The following BEND4 variants were observed in gnomAD, a reference collection of about 807,000 sequenced individuals.
BEND4 encodes the protein BEN domain-containing protein 4.
In BEND4, 27 loss-of-function variants were observed where a neutral mutation model predicts 54.7. That is an observed-to-expected ratio of 0.49 (90% confidence interval 0.36 to 0.68). The LOEUF is 0.68. Among genes scored for constraint, BEND4 ranks in the 30% least tolerant of loss-of-function variants. BEND4 has a pLI of 0.00. For synonymous variants in BEND4, 327 were observed against 299.5 expected (o/e 1.09, Z -0.95); for missense variants, 702 against 697.2 (o/e 1.01, Z -0.08).
chr4:42,121,576 A>G (rs1440481754), intron 4 of BEND4, among the ~76,000 whole-genome samples: 1 of 152,234 alleles, frequency 6.6e-6, no homozygotes, highest in Admixed American at 6.5e-5. Flanking sequence ...CTGAATTATC[A>G]TGAGTACAAG....
chr4:42,149,088 T>TC (rs1434810177), intron 2 of BEND4, among the ~76,000 whole-genome samples: 6 of 152,232 alleles, frequency 3.9e-5, no homozygotes, highest in African/African-American at 1.4e-4. Flanking sequence ...TGTCCTTGAC[T>TC]CATTTCGTAA....
chr4:42,149,213 T>G (rs1360353259), intron 2 of BEND4, among the ~76,000 whole-genome samples: 1 of 104,792 alleles, frequency 9.5e-6, no homozygotes, highest in African/African-American at 3.8e-5. Flanking sequence ...CCACCCAGTA[T>G]GCTTAAATGG....
At chr4:42,125,714 C>CATGTGTAA in intron 3 of BEND4, 40 bp from the exon 4 acceptor site, 1 of 1,300,238 alleles carries the variant, frequency 7.7e-7, no homozygotes, top group Non-Finnish European at 1.1e-6. Flanking sequence ...ATTGGCTATC[C>CATGTGTAA]CGTAACATGA....
intron 3 of BEND4, among the ~76,000 whole-genome samples, chr4:42,135,942 T>TTC (rs1393702949): frequency 6.6e-6 from 1 of 152,182 alleles, no homozygotes; most frequent in Non-Finnish European, 1.5e-5. Flanking sequence ...TCCGAATCCA[T>TTC]TCTCTTTACC....
In BEND4 at chr4:42,112,314, A is replaced by G. The variant is rs1454619729; in HGVS notation, c.*5204T>C. 6.6e-6 allele frequency: 1 copy of G among 152,222 alleles called. No individual in the cohort carries two copies. Among genetic ancestry groups the G allele is most frequent in the Admixed American group, 6.5e-5 (1 of 15,286 alleles). 9.4% of individuals were successfully genotyped at this position (152,222 alleles called of 1,614,324 possible). ...GAGAATGCATTAAAGTACTTATCCA[A>G]GTAACTGTCACACAATAACTCAATA... On this transcript the variant is annotated 3_prime_UTR_variant, in exon 6 of 6. Coordinates refer to ENST00000502486, the MANE Select transcript of BEND4 (RefSeq NM_207406.4).
intron 3 of BEND4, among the ~76,000 whole-genome samples, chr4:42,143,012 A>C (rs1560583191): frequency 6.6e-6 from 1 of 152,264 alleles, no homozygotes; most frequent in East Asian, 1.9e-4. Flanking sequence ...GCATAGGATC[A>C]AAGTTTTTAA....
intron 3 of BEND4, among the ~76,000 whole-genome samples, chr4:42,140,034 G>C (rs1001150505): frequency 6.6e-6 from 1 of 152,204 alleles, no homozygotes; most frequent in Non-Finnish European, 1.5e-5. Flanking sequence ...GTGGATTCTT[G>C]GGTGTCACTC....
intron 4 of BEND4, among the ~76,000 whole-genome samples, chr4:42,121,802 C>T (rs1402183363): frequency 1.3e-5 from 2 of 152,160 alleles, no homozygotes; most frequent in Non-Finnish European, 2.9e-5. Flanking sequence ...ACTGAGAGGG[C>T]TAGGCAACCA....
chr4:42,148,794 A>G (rs1057373498), intron 2 of BEND4, among the ~76,000 whole-genome samples: 2 of 152,144 alleles, frequency 1.3e-5, no homozygotes, highest in Non-Finnish European at 2.9e-5. Flanking sequence ...TAAAGATGCA[A>G]TTTCCCATTT....
chr4:42,149,045 T>C (rs1721171103), intron 2 of BEND4, among the ~76,000 whole-genome samples: 2 of 152,236 alleles, frequency 1.3e-5, no homozygotes, highest in African/African-American at 4.8e-5. Context: ...TTTCACTCCA[T>C]TTACTCTGGA....
chr4:42,144,165 G>A (rs777281971), intron 2 of BEND4, 171 bp from the exon 3 acceptor site: 7 of 651,482 alleles, frequency 1.1e-5, no homozygotes, highest in Non-Finnish European at 1.6e-5. Flanking sequence ...ATAGCTTCCT[G>A]TTGTTCTGCG....
intron 3 of BEND4, among the ~76,000 whole-genome samples, chr4:42,134,603 C>A (rs1720629572): frequency 6.6e-6 from 1 of 152,204 alleles, no homozygotes; most frequent in Non-Finnish European, 1.5e-5. Flanking sequence ...CCTCCATGGC[C>A]TCTCTTCATA....
chr4:42,141,131 G>A (rs1287399873), intron 3 of BEND4, among the ~76,000 whole-genome samples: 5 of 152,094 alleles, frequency 3.3e-5, no homozygotes, highest in African/African-American at 4.8e-5. Flanking sequence ...TCTTGCAGTC[G>A]GTGCCTGCCT....
chr4:42,143,744 C>A lies in BEND4; in HGVS notation c.738G>T (p.Leu246Phe), dbSNP rs1314800494. 32 of 1,613,960 alleles carry A rather than the reference C, an allele frequency of 2.0e-5. No homozygotes were observed. The highest frequency in any genetic ancestry group is 2.7e-5 in the Non-Finnish European group (32 of 1,179,866). ...MQRKQQTSAFLRVFTDSLQNY... is the reference protein window; with the variant it reads ...MQRKQQTSAFFRVFTDSLQNY... ...TTTGTAGAGAGTCAGTGAAAACCCTCAAAAAGGCAGAAGTTTGTTGTTTCC... is the reference window on the plus strand; with the variant it reads ...TTTGTAGAGAGTCAGTGAAAACCCTAAAAAAGGCAGAAGTTTGTTGTTTCC... The change falls in exon 3 of 6, where the codon TTG becomes TTT. Residue 246 changes from leucine to phenylalanine, a missense_variant. Coordinates refer to ENST00000502486, the MANE Select transcript of BEND4 (RefSeq NM_207406.4).
At chr4:42,145,361 A>C (rs2153147508) in intron 2 of BEND4, among the ~76,000 whole-genome samples, 2 of 152,168 alleles carry the variant, frequency 1.3e-5, no homozygotes, top group South Asian at 4.2e-4. Context: ...GTCAGAGGAG[A>C]GGGGTCCAAG....
At chr4:42,125,507 G>C (rs1043344850) in intron 4 of BEND4, 76 bp downstream of exon 4, 1 of 1,119,598 alleles carries the variant, frequency 8.9e-7, no homozygotes, top group African/African-American at 1.5e-5. Flanking sequence ...AGTCTGTTCT[G>C]GTATACACTG....
chr4:42,130,671 T>C (rs1014967440), intron 3 of BEND4, among the ~76,000 whole-genome samples: 6 of 152,092 alleles, frequency 3.9e-5, no homozygotes, highest in African/African-American at 1.4e-4. Context: ...CTCAAAGACC[T>C]AGAACGAGAA....
rs1184083796 is a variant in BEND4, at chr4:42,117,443, C to T, written c.*75G>A. The T allele has an allele frequency of 2.9e-6, 3 of 1,030,326 alleles. No individual in the cohort carries two copies. Among genetic ancestry groups the T allele is most frequent in the Non-Finnish European group, 4.3e-6 (3 of 690,542 alleles). 63.8% of individuals were successfully genotyped at this position (1,030,326 alleles called of 1,614,324 possible). A position where few individuals can be genotyped will look rare whatever the true frequency, so the allele number is the denominator to read the frequency against. On this transcript the variant is annotated 3_prime_UTR_variant, in exon 6 of 6. Coordinates refer to ENST00000502486, the MANE Select transcript of BEND4 (RefSeq NM_207406.4). ...GGCAGAATGACAGGCTTTGGACTCT[C>T]AGGTGACAGGAACAGGACATTCACA...
intron 3 of BEND4, among the ~76,000 whole-genome samples, chr4:42,133,520 G>A (rs1412039334): frequency 1.3e-5 from 2 of 152,190 alleles, no homozygotes; most frequent in African/African-American, 4.8e-5. Context: ...TCCTGGGCAG[G>A]TTACTTAACC....
Sources: gnomAD v4.1 joint callset for allele counts (sites outside exome capture counted in the v4.1 genomes callset) on GRCh38, gnomAD v4.1.1 for gene constraint, MANE v1.5 for transcripts, NCBI Gene and HGNC (gene_info 2026-07-23, HGNC 2026-07-21) for gene names.